Variants in DNAJC16 observed in about 807,000 individuals in gnomAD.
DNAJC16 encodes the protein dnaJ homolog subfamily C member 16.
Under a neutral mutation model 92.7 loss-of-function variants are expected in DNAJC16, and 76 were observed. The observed-to-expected ratio is 0.82, with a 90% CI of 0.68 to 0.99. The LOEUF is 0.99. Among genes scored for constraint, DNAJC16 ranks in the 50% least tolerant of loss-of-function variants. The probability of loss-of-function intolerance (pLI) is 0.00; values close to 1 mark genes in which losing one functional copy is unlikely to be tolerated. For missense variants in DNAJC16, 869 were observed against 942.4 expected (o/e 0.92, Z 1.02); for synonymous variants, 328 against 358.7 (o/e 0.91, Z 0.97).
At chr1:15,561,216 A>G (rs1047372870) in intron 8 of DNAJC16, among the ~76,000 whole-genome samples, 2 of 151,346 alleles carry the variant, frequency 1.3e-5, no homozygotes, top group Admixed American at 6.6e-5. Context: ...AATATTGTCT[A>G]TATTACCTGA....
Position 15,568,368 on chromosome 1 carries a change from G to A in DNAJC16, c.*191G>A, listed in dbSNP as rs1570934901. On this transcript the variant is annotated 3_prime_UTR_variant, in exon 15 of 15. Coordinates refer to ENST00000375847, the MANE Select transcript of DNAJC16 (RefSeq NM_015291.4). ...ATGAAAAACACCACCAGTTTGAATCGCCTAGATGAAAATCTTTTCCTCTGG... is the reference window on the plus strand; with the variant it reads ...ATGAAAAACACCACCAGTTTGAATCACCTAGATGAAAATCTTTTCCTCTGG... 3 of 558,114 alleles carry A rather than the reference G, an allele frequency of 5.4e-6. No homozygotes were observed. Among genetic ancestry groups the A allele is most frequent in the Admixed American group, 3.4e-5 (1 of 29,474 alleles). The allele number at this position is 558,114 out of a possible 1,614,324, so 34.6% of individuals were successfully genotyped here.
At chr1:15,537,499 A>G (rs1262000818) in intron 4 of DNAJC16, among the ~76,000 whole-genome samples, 1 of 152,212 alleles carries the variant, frequency 6.6e-6, no homozygotes, top group Admixed American at 6.5e-5. Flanking sequence ...GTTTTACTGA[A>G]GGAGTAGACA....
chr1:15,529,702 A>T (rs115866054), intron 2 of DNAJC16, among the ~76,000 whole-genome samples: 1 of 152,194 alleles, frequency 6.6e-6, no homozygotes, highest in Non-Finnish European at 1.5e-5. Flanking sequence ...CTTTGAAAAA[A>T]AGTTAAGAGT....
At chr1:15,546,639 T>G in intron 5 of DNAJC16, 128 bp from the exon 6 acceptor site, 1 of 669,364 alleles carries the variant, frequency 1.5e-6, no homozygotes, top group Non-Finnish European at 2.5e-6. Flanking sequence ...ACAAAAAGAT[T>G]AGTTATCTGC....
chr1:15,548,123 G>T, intron 6 of DNAJC16, 147 bp from the exon 7 acceptor site: 2 of 642,644 alleles, frequency 3.1e-6, no homozygotes, highest in Non-Finnish European at 5.1e-6. Flanking sequence ...CCATAGAATG[G>T]AAGTATACAA....
chr1:15,566,663 T>C, intron 13 of DNAJC16: 1 of 175,016 alleles, frequency 5.7e-6, no homozygotes, highest in South Asian at 1.3e-4. Context: ...GTGGGAGGAT[T>C]GCTTGAGCCC....
chr1:15,548,188 T>G, intron 6 of DNAJC16, 82 bp from the exon 7 acceptor site: 6 of 1,405,154 alleles, frequency 4.3e-6, no homozygotes, highest in Non-Finnish European at 4.9e-6. Flanking sequence ...CTCTGCTCAG[T>G]GATGTGAAAA....
chr1:15,542,875 C>T (rs1710965230), intron 4 of DNAJC16, among the ~76,000 whole-genome samples: 1 of 152,172 alleles, frequency 6.6e-6, no homozygotes, highest in Non-Finnish European at 1.5e-5. Context: ...GCAGGAAGAT[C>T]GCTTGAGCCC....
At chr1:15,534,630 C>T (rs1436549929) in intron 3 of DNAJC16, among the ~76,000 whole-genome samples, 1 of 152,144 alleles carries the variant, frequency 6.6e-6, no homozygotes, top group Non-Finnish European at 1.5e-5. Context: ...GAGGCTTAGG[C>T]AGGAGAATTG....
At chr1:15,555,491 T>C (rs926199730) in intron 7 of DNAJC16, among the ~76,000 whole-genome samples, 1 of 151,418 alleles carries the variant, frequency 6.6e-6, no homozygotes, top group Non-Finnish European at 1.5e-5. Context: ...GAGACCAGCC[T>C]GGCCAACATG....
rs1459800244 is a variant in DNAJC16, at chr1:15,567,795, T to C, written c.1967T>C (p.Phe656Ser). The C allele has an allele frequency of 6.2e-7, 1 of 1,613,818 alleles. No individual in the cohort carries two copies. The highest frequency in any genetic ancestry group is 1.1e-5 in the South Asian group (1 of 91,042). Residue 656 changes from phenylalanine (F) to serine (S), a missense_variant, in exon 15 of 15, where the codon TTC (phenylalanine) becomes TCC (serine). Physicochemically the swap from Phe to Ser is radical, Grantham distance 155. Transcript: ENST00000375847. ...TCCTACAGGAGCAGCTGCCTACACT[T>C]CTCCTTCCTGAGTCTAGATAAACAC... ...YTFTGSSCLH[F>S]SFLSLDKHRE...
At chr1:15,544,185 C>CACACAT (rs995957267) in intron 4 of DNAJC16, among the ~76,000 whole-genome samples, 7 of 148,012 alleles carry the variant, frequency 4.7e-5, no homozygotes, top group African/African-American at 1.7e-4. Context: ...CACACACACA[C>CACACAT]ATTTGTAACT....
rs760492736 is a variant in DNAJC16, at chr1:15,568,080, T to C, written c.2252T>C (p.Ile751Thr). The change falls in exon 15 of 15, where the codon ATC becomes ACC. Residue 751 changes from isoleucine to threonine, a missense_variant. Transcript: ENST00000375847. ...KPSCGLGSRP[I>T]KGKLSKLSLW... ...TCCTGTGGCCTTGGATCCAGGCCCA[T>C]CAAAGGAAAGTTGAGCAAGCTCTCT... 1.9e-6 allele frequency: 3 copies of C among 1,614,212 alleles called. No homozygotes were observed. Among genetic ancestry groups the C allele is most frequent in the Non-Finnish European group, 2.5e-6 (3 of 1,180,036 alleles).
chr1:15,562,742 A>G lies in DNAJC16; in HGVS notation c.1338+417A>G, dbSNP rs554431721. ...AGCTCAGGCAATCCTCCCGCCTCCC[A>G]AAGTGCTGGGATTACAGGCATGAGC... On this transcript the variant is annotated intron_variant, in intron 9 of 14. Coordinates refer to ENST00000375847, the MANE Select transcript of DNAJC16 (RefSeq NM_015291.4). 2.6e-5 allele frequency among the ~76,000 whole-genome samples: 4 copies of G among 151,708 alleles called. No individual in the cohort carries two copies. In the East Asian group the frequency reaches 5.8e-4, roughly 22 times the overall value.
At chr1:15,549,502 T>C (rs1186987684) in intron 7 of DNAJC16, among the ~76,000 whole-genome samples, 2 of 152,104 alleles carry the variant, frequency 1.3e-5, no homozygotes, top group African/African-American at 4.8e-5. Flanking sequence ...GTCCAAAACA[T>C]AGGTGACTAC....
intron 11 of DNAJC16, chr1:15,565,503 A>T (rs753247094): frequency 5.4e-6 from 1 of 184,756 alleles, no homozygotes; most frequent in Non-Finnish European, 1.1e-5. Context: ...ATCTTGAAAG[A>T]TCAATTTTAT....
chr1:15,563,754 C>T (rs528627524), intron 9 of DNAJC16, among the ~76,000 whole-genome samples, 175 bp from the exon 10 acceptor site: 2 of 147,232 alleles, frequency 1.4e-5, no homozygotes, highest in South Asian at 4.4e-4. Context: ...GAAGGCTGAG[C>T]CAGGAGAATG....
chr1:15,536,969 A>T (rs1710806258), intron 4 of DNAJC16, among the ~76,000 whole-genome samples, 155 bp downstream of exon 4: 1 of 151,884 alleles, frequency 6.6e-6, no homozygotes, highest in South Asian at 2.1e-4. Context: ...TCCTGCCTCA[A>T]CCTCCCGAGT....
intron 4 of DNAJC16, among the ~76,000 whole-genome samples, chr1:15,537,092 C>A (rs1352367172): frequency 2.6e-5 from 4 of 152,206 alleles, no homozygotes; most frequent in Non-Finnish European, 5.9e-5. Flanking sequence ...CTCAAGTGAT[C>A]TGCCTGCCTC....
Sources: allele counts gnomAD v4.1 joint callset (sites outside exome capture counted in the v4.1 genomes callset), GRCh38; gene constraint gnomAD v4.1.1; transcripts MANE v1.5; gene names NCBI Gene and HGNC (gene_info 2026-07-23, HGNC 2026-07-21).